Variants in RARB observed in about 807,000 individuals in gnomAD.
The protein encoded by RARB is retinoic acid receptor beta, also known as HBV-activated protein.
In RARB, 17 loss-of-function variants were observed where a neutral mutation model predicts 51.9. The observed-to-expected ratio is 0.33, with a 90% CI of 0.22 to 0.49. The LOEUF (loss-of-function observed/expected upper bound fraction) is 0.49, where lower values mean the gene tolerates loss of function less well. Ranked by LOEUF, RARB falls within the 20% of genes least tolerant of loss-of-function variation. The pLI is 0.99. For synonymous variants in RARB, 215 were observed against 195.4 expected, an observed-to-expected ratio of 1.10 and a Z score of -0.84; for missense variants, 369 against 550.8, an observed-to-expected ratio of 0.67 and a Z score of 3.30.
intron 5 of RARB, chr3:25,259,991 C>G (rs991939152): frequency 1.8e-5 from 18 of 985,136 alleles, no homozygotes; most frequent in Non-Finnish European, 2.0e-5. Flanking sequence ...CAGCCTTTTA[C>G]TCTCCTCAGT....
intron 5 of RARB, among the ~76,000 whole-genome samples, chr3:25,174,933 A>G (rs1700714569): frequency 6.6e-6 from 1 of 152,220 alleles, no homozygotes; most frequent in African/African-American, 2.4e-5. Context: ...AAAATCACTA[A>G]TGATAATACT....
intron 1 of RARB, among the ~76,000 whole-genome samples, chr3:24,833,976 A>G (rs1256898551): frequency 6.6e-6 from 1 of 152,208 alleles, no homozygotes; most frequent in African/African-American, 2.4e-5. Context: ...GACATGATAG[A>G]TGTGTGTGAC....
intron 5 of RARB, among the ~76,000 whole-genome samples, chr3:25,339,816 C>G (rs1387500022): frequency 6.6e-6 from 1 of 152,084 alleles, no homozygotes; most frequent in East Asian, 1.9e-4. Flanking sequence ...ACATATACTG[C>G]AATGCTTGGA....
chr3:25,322,977 A>G (rs552204150), intron 5 of RARB, among the ~76,000 whole-genome samples: 1 of 152,312 alleles, frequency 6.6e-6, no homozygotes, highest in South Asian at 2.1e-4. Context: ...CAGCTGGTCC[A>G]GTTTGTCTAG....
At chr3:25,550,441 A>G (rs1699802372) in intron 3 of RARB, among the ~76,000 whole-genome samples, 1 of 152,080 alleles carries the variant, frequency 6.6e-6, no homozygotes, top group African/African-American at 2.4e-5. Flanking sequence ...TCTGGTTCAT[A>G]GATAGGTGTC....
At chr3:25,124,710 A>G (rs1699834847) in intron 3 of RARB, among the ~76,000 whole-genome samples, 1 of 152,184 alleles carries the variant, frequency 6.6e-6, no homozygotes, top group Non-Finnish European at 1.5e-5. Context: ...TGACCTGGAG[A>G]CAAGTTGAGA....
At chr3:25,024,437 T>G (rs895240488) in intron 2 of RARB, among the ~76,000 whole-genome samples, 2 of 152,180 alleles carry the variant, frequency 1.3e-5, no homozygotes, top group Non-Finnish European at 2.9e-5. Context: ...ATGATTAAAA[T>G]TAATAAGATT....
chr3:25,287,485 A>T (rs1703683444), intron 5 of RARB, among the ~76,000 whole-genome samples: 1 of 152,132 alleles, frequency 6.6e-6, no homozygotes, highest in South Asian at 2.1e-4. Flanking sequence ...GGTCATTAGG[A>T]GGGCAGGAGG....
chr3:24,988,646 C>G (rs2125432874), intron 2 of RARB, among the ~76,000 whole-genome samples: 1 of 152,206 alleles, frequency 6.6e-6, no homozygotes, highest in South Asian at 2.1e-4. Context: ...TACTATCCCA[C>G]TCTACCTTCC....
intron 2 of RARB, among the ~76,000 whole-genome samples, chr3:25,057,618 A>G (rs1698465513): frequency 6.6e-6 from 1 of 152,002 alleles, no homozygotes; most frequent in African/African-American, 2.4e-5. Context: ...TGTGGACCCT[A>G]TGGGATGAGA....
chr3:25,073,198 G>C (rs181203004), intron 3 of RARB, among the ~76,000 whole-genome samples: 1 of 152,168 alleles, frequency 6.6e-6, no homozygotes, highest in Non-Finnish European at 1.5e-5. Flanking sequence ...TATCTCAGCC[G>C]TAATGAAGCA....
At chr3:25,530,420 C>T (rs879759877) in intron 3 of RARB, among the ~76,000 whole-genome samples, 2 of 152,310 alleles carry the variant, frequency 1.3e-5, no homozygotes, top group Non-Finnish European at 2.9e-5. Context: ...GGAGGTCTGA[C>T]GTCCACAATG....
chr3:25,414,127 T>A (rs1707639804), intron 5 of RARB, among the ~76,000 whole-genome samples: 1 of 152,194 alleles, frequency 6.6e-6, no homozygotes, highest in African/African-American at 2.4e-5. Context: ...CCACATATAT[T>A]AGATTGCATT....
At chr3:24,980,443 A>T (rs539387032) in intron 2 of RARB, among the ~76,000 whole-genome samples, 1 of 152,128 alleles carries the variant, frequency 6.6e-6, no homozygotes, top group Non-Finnish European at 1.5e-5. Context: ...ACATAGTCCC[A>T]TATTTCTTGG....
intron 3 of RARB, among the ~76,000 whole-genome samples, chr3:25,100,159 G>A (rs892932512): frequency 3.2e-4 from 49 of 152,268 alleles, no homozygotes; most frequent in African/African-American, 1.2e-3. Flanking sequence ...CACTTTAAAT[G>A]TGGTGAAAAT....
intron 5 of RARB, among the ~76,000 whole-genome samples, chr3:25,253,812 C>T (rs984780623): frequency 2.6e-5 from 4 of 152,100 alleles, no homozygotes; most frequent in African/African-American, 9.7e-5. Context: ...CTTTCTTTTC[C>T]ATCGAGCCCT....
chr3:25,058,027 C>T (rs1054143117), intron 2 of RARB, among the ~76,000 whole-genome samples: 1 of 151,920 alleles, frequency 6.6e-6, no homozygotes, highest in Admixed American at 6.6e-5. Context: ...TTATGTACTG[C>T]ACTTCCACTT....
At chr3:25,131,699 A>C (rs1042649178) in intron 3 of RARB, among the ~76,000 whole-genome samples, 2 of 152,008 alleles carry the variant, frequency 1.3e-5, no homozygotes, top group Non-Finnish European at 1.5e-5. Flanking sequence ...GAGAGAGTGA[A>C]GCCATTTGCC....
chr3:24,859,131 G>T (rs1018462532), intron 2 of RARB, among the ~76,000 whole-genome samples: 1 of 151,738 alleles, frequency 6.6e-6, no homozygotes, highest in Non-Finnish European at 1.5e-5. Context: ...AGCCCTACCT[G>T]GTTTTTAGAA....
Sources: gnomAD v4.1 joint callset for allele counts (sites outside exome capture counted in the v4.1 genomes callset) on GRCh38, gnomAD v4.1.1 for gene constraint, MANE v1.5 for transcripts, NCBI Gene and HGNC (gene_info 2026-07-23, HGNC 2026-07-21) for gene names.